Variants in MPST observed in about 807,000 individuals in gnomAD.
MPST encodes the protein mercaptopyruvate sulfurtransferase.
Under a neutral mutation model 28.5 loss-of-function variants are expected in MPST, and 27 were observed. The observed-to-expected ratio is 0.95, with a 90% CI of 0.70 to 1.31. The LOEUF (loss-of-function observed/expected upper bound fraction) is 1.31. Ranked by LOEUF, MPST falls within the 50% of genes most tolerant of loss-of-function variation. The pLI, the probability that MPST is intolerant of heterozygous loss-of-function variation, is 0.00. For synonymous variants in MPST, 204 were observed against 209.3 expected (o/e 0.97, Z 0.22); for missense variants, 492 against 471.1 (o/e 1.04, Z -0.41).
intron 1 of MPST, chr22:37,023,200 T>C (rs921484872): frequency 2.0e-5 from 3 of 152,324 alleles, no homozygotes; most frequent in African/African-American, 7.2e-5. Context: ...CGGATTCTGG[T>C]GCCAGACTGA....
chr22:37,023,785 T>A, intron 1 of MPST: 1 of 1,184,770 alleles, frequency 8.4e-7, no homozygotes, highest in South Asian at 1.6e-5. Context: ...AGTGAATGAA[T>A]GACTTCCGTC....
intron 2 of MPST, 89 bp from the exon 3 acceptor site, chr22:37,029,127 A>G: frequency 1.7e-6 from 2 of 1,191,684 alleles, no homozygotes; most frequent in Non-Finnish European, 2.4e-6. Flanking sequence ...CTTGCATGGG[A>G]TGCTCTCAAT....
At position 37,029,284 on chromosome 22, in the gene MPST, C is replaced by T. The variant is rs1241954534; in HGVS notation, c.724C>T (p.Leu242=). ...CACAGACTTCCTGAGCCAGGAGGGG[C>T]TGGAGAAGAGCCCTGAGGAGATCCG... ...PFTDFLSQEG[L]EKSPEEIRHL... is the part of the protein sequence containing the mutation. The change falls in exon 3 of 3, where the codon CTG becomes TTG. Residue 242 remains leucine (L), a synonymous_variant. Transcript: ENST00000429360. 6.2e-7 allele frequency: 1 copy of T among 1,614,068 alleles called. No homozygotes were observed. Among genetic ancestry groups the T allele is most frequent in the Admixed American group, 1.7e-5 (1 of 60,006 alleles).
In MPST at chr22:37,029,808, G is replaced by A. The variant is rs1489496956; in HGVS notation, c.*294G>A. 2 of 475,792 alleles carry A rather than the reference G, an allele frequency of 4.2e-6. No individual in the cohort carries two copies. Among genetic ancestry groups the A allele is most frequent in the Non-Finnish European group, 7.6e-6 (2 of 264,680 alleles). 29.5% of individuals were successfully genotyped at this position (475,792 alleles called of 1,614,324 possible). ...ATTTTTGAGGAAATAAAATAACCAA[G>A]TGCTAAATCTTGTAGCTCTGGGGCT... is the stretch of plus-strand genomic sequence containing the variant. On this transcript the variant is annotated 3_prime_UTR_variant, in exon 3 of 3. Transcript: ENST00000429360.
At chr22:37,029,158 G>C (rs184010911) in intron 2 of MPST, 58 bp from the exon 3 acceptor site, 13 of 1,503,318 alleles carry the variant, frequency 8.6e-6, no homozygotes, top group Non-Finnish European at 1.2e-5. Context: ...CCACAAATAC[G>C]AGGTACCATT....
At chr22:37,025,381 A>G in intron 2 of MPST, 1 of 271,546 alleles carries the variant, frequency 3.7e-6, no homozygotes, top group East Asian at 9.3e-5. Context: ...GCCCCTGAGG[A>G]TGGTGGAATG....
At chr22:37,026,240 C>A (rs544052204) in intron 2 of MPST, 3 of 152,070 alleles carry the variant, frequency 2.0e-5, no homozygotes, top group African/African-American at 7.2e-5. Context: ...TGACACACGA[C>A]GGGTCATCTA....
rs143447921 is a variant in MPST at position 37,029,464 on chromosome 22, C to A, written c.904C>A (p.Arg302Ser). The A allele has an allele frequency of 6.2e-7, 1 of 1,612,072 alleles. No homozygotes were observed. Among genetic ancestry groups the A allele is most frequent in the South Asian group, 1.1e-5 (1 of 91,000 alleles). Reference sequence around the variant, plus strand: ...TGGCTCCTGGGTGGAGTGGTACATGCGCGCCCGGCCCGAGGATGTCATCTC... The same window carrying A: ...TGGCTCCTGGGTGGAGTGGTACATGAGCGCCCGGCCCGAGGATGTCATCTC... ...YDGSWVEWYM[R>S]ARPEDVISEG... The change falls in exon 3 of 3, where the codon CGC becomes AGC. Residue 302 changes from arginine to serine, a missense_variant. By Grantham distance (110) the Arg-to-Ser change is moderately radical (BLOSUM62 -1). Transcript: ENST00000429360.
At chr22:37,021,957 A>G (rs1277116568) in intron 1 of MPST, among the ~76,000 whole-genome samples, 1 of 152,054 alleles carries the variant, frequency 6.6e-6, no homozygotes, top group African/African-American at 2.4e-5. Flanking sequence ...TGGGGTTTAC[A>G]TTGATTTGGG....
At chr22:37,029,141 T>A (rs1923715695) in intron 2 of MPST, 75 bp from the exon 3 acceptor site, 2 of 1,369,850 alleles carry the variant, frequency 1.5e-6, no homozygotes, top group Admixed American at 2.1e-5. Flanking sequence ...TCTCAATATC[T>A]CGAGCACCAC....
At chr22:37,029,087 G>A in intron 2 of MPST, 129 bp from the exon 3 acceptor site, 1 of 838,328 alleles carries the variant, frequency 1.2e-6, no homozygotes, top group Non-Finnish European at 1.8e-6. Context: ...AATTAAATGA[G>A]ATGGTGGATA....
chr22:37,028,920 G>T, intron 2 of MPST: 1 of 384,536 alleles, frequency 2.6e-6, no homozygotes, highest in South Asian at 3.0e-5. Context: ...GCTGTCCCTA[G>T]GGTGCATAGT....
At chr22:37,019,904 TGGAGGG>T in intron 1 of MPST, 32 bp downstream of exon 1, 1 of 1,123,254 alleles carries the variant, frequency 8.9e-7, no homozygotes, top group Non-Finnish European at 1.1e-6. Flanking sequence ...CTTGCCTTTC[TGGAGGG>T]GGAGGGAGTG....
In MPST at chr22:37,019,755, C is replaced by G. The variant is rs545443388; in HGVS notation, c.-82C>G. 1.7e-6 allele frequency: 1 copy of G among 603,776 alleles called. No individual in the cohort carries two copies. The highest frequency in any genetic ancestry group is 8.3e-5 in the South Asian group (1 of 12,020). 37.4% of individuals were successfully genotyped at this position (603,776 alleles called of 1,614,324 possible). A position where few individuals can be genotyped will look rare whatever the true frequency, so the allele number is the denominator to read the frequency against. On this transcript the variant is annotated 5_prime_UTR_variant, in exon 1 of 3. Coordinates refer to ENST00000429360, the MANE Select transcript of MPST (RefSeq NM_021126.8). Reference sequence around the variant, plus strand: ...CGGCGGTGGGCTGTGCCGGAGTCTCCTCCCTTTGGTCCGCTGCAGGTTGGT... The same window carrying G: ...CGGCGGTGGGCTGTGCCGGAGTCTCGTCCCTTTGGTCCGCTGCAGGTTGGT...
chr22:37,020,954 T>C (rs1358201582), intron 1 of MPST, among the ~76,000 whole-genome samples: 1 of 150,228 alleles, frequency 6.7e-6, no homozygotes, highest in Admixed American at 6.6e-5. Context: ...CCACCATCCC[T>C]GGCCTCATCC....
At chr22:37,027,189 G>A (rs1923588283) in intron 2 of MPST, 1 of 152,724 alleles carries the variant, frequency 6.5e-6, no homozygotes, top group Admixed American at 6.5e-5. Flanking sequence ...CCAACCTCAG[G>A]TAATCTGCCC....
chr22:37,028,938 C>A (rs1047750834), intron 2 of MPST: 13 of 425,070 alleles, frequency 3.1e-5, no homozygotes, highest in African/African-American at 2.2e-4. Context: ...AGTCAGGAAA[C>A]CTTGGGGCCC....
In MPST at chr22:37,029,754, G is replaced by C. The variant is rs138084568; in HGVS notation, c.*240G>C. The C allele has an allele frequency of 6.9e-6, 4 of 575,982 alleles. No homozygotes were observed. In the Admixed American group the frequency reaches 1.3e-4, roughly 18 times the overall value. 35.7% of individuals were successfully genotyped at this position (575,982 alleles called of 1,614,324 possible). On this transcript the variant is annotated 3_prime_UTR_variant, in exon 3 of 3. Coordinates refer to ENST00000429360, the MANE Select transcript of MPST (RefSeq NM_021126.8). Reference sequence around the variant, plus strand: ...AACTCCGAGCTGCCCACCTGGTGCTGAGCTGGGGCCCCGCCTCCTTTCTGT... The same window carrying C: ...AACTCCGAGCTGCCCACCTGGTGCTCAGCTGGGGCCCCGCCTCCTTTCTGT...
At chr22:37,027,114 G>A (rs1394850583) in intron 2 of MPST, 6 of 152,184 alleles carry the variant, frequency 3.9e-5, no homozygotes, top group Non-Finnish European at 8.8e-5. Context: ...CACCACGCCC[G>A]GCTAATGTTT....
Sources: allele counts gnomAD v4.1 joint callset (sites outside exome capture counted in the v4.1 genomes callset), GRCh38; gene constraint gnomAD v4.1.1; transcripts MANE v1.5; gene names NCBI Gene and HGNC (gene_info 2026-07-23, HGNC 2026-07-21).